RIN3: variants seen among roughly 807,000 people sequenced by gnomAD.
The protein encoded by RIN3 is Ras and Rab interactor 3, also known as RAB5 interacting protein 3.
A neutral mutation model predicts 76.3 loss-of-function variants in RIN3; 54 were observed. The observed-to-expected ratio is 0.71, with a 90% CI of 0.57 to 0.89. The LOEUF is 0.89. Among genes scored for constraint, RIN3 ranks in the 40% least tolerant of loss-of-function variants. The probability of loss-of-function intolerance (pLI) is 0.00; values close to 1 mark genes in which losing one functional copy is unlikely to be tolerated. For synonymous variants in RIN3, 576 were observed against 564.0 expected, an observed-to-expected ratio of 1.02 and a Z score of -0.30; for missense variants, 1,256 against 1,322.1, an observed-to-expected ratio of 0.95 and a Z score of 0.78.
At chr14:92,577,291 C>A in intron 2 of RIN3, 69 bp from the exon 3 acceptor site, 1 of 1,044,284 alleles carries the variant, frequency 9.6e-7, no homozygotes, top group Non-Finnish European at 1.5e-6. Context: ...ACTTCCATCT[C>A]GTGGTTGTCC....
chr14:92,683,755 T>G (rs990146099), intron 8 of RIN3, among the ~76,000 whole-genome samples: 1 of 152,216 alleles, frequency 6.6e-6, no homozygotes, highest in African/African-American at 2.4e-5. Flanking sequence ...GATACATAAA[T>G]GATTCAAATT....
chr14:92,661,754 C>CA lies in RIN3; in HGVS notation c.2335+2286dup, dbSNP rs796462501. The stretch of plus-strand genomic sequence containing the variant: ...ACACACACACACACACACACACACA[C>CA]ACACAAAAAATAGAATTGTGCTCCC... On this transcript the variant is annotated intron_variant, in intron 7 of 9. Transcript: ENST00000216487. Among the ~76,000 whole-genome samples, 38 of 133,584 alleles carry CA rather than the reference C, an allele frequency of 2.8e-4. No individual in the cohort carries two copies. In the East Asian group the frequency reaches 3.3e-3, roughly 11 times the overall value. 87.6% of individuals were successfully genotyped at this position (133,584 alleles called of 152,430 possible). A position where few individuals can be genotyped will look rare whatever the true frequency, so the allele number is the denominator to read the frequency against.
Position 92,663,057 on chromosome 14 carries a change from C to T in RIN3, c.2335+3588C>T, listed in dbSNP as rs142970905. 1.4e-4 allele frequency among the ~76,000 whole-genome samples: 22 copies of T among 152,246 alleles called. No homozygotes were observed. In the East Asian group the frequency reaches 2.7e-3, roughly 19 times the overall value. ...AACTCCTGAGCTCAAGCAATTTGCC[C>T]GCCTTGGCCTCCCAAAGTGCTGAGA... On this transcript the variant is annotated intron_variant, in intron 7 of 9. Transcript: ENST00000216487.
At chr14:92,527,046 CTTTTTTTTT>C (rs1215618245) in intron 1 of RIN3, among the ~76,000 whole-genome samples, 1 of 109,996 alleles carries the variant, frequency 9.1e-6, no homozygotes, top group African/African-American at 4.0e-5. Flanking sequence ...TTCTCCCCAT[CTTTTTTTTT>C]TTTTTTTTTT....
At chr14:92,624,491 G>T (rs148732297) in intron 4 of RIN3, among the ~76,000 whole-genome samples, 1 of 152,146 alleles carries the variant, frequency 6.6e-6, no homozygotes, top group Admixed American at 6.5e-5. Context: ...AACCGCTAGC[G>T]GGAAATCCTG....
chr14:92,521,498 A>C (rs1251903512), intron 1 of RIN3, among the ~76,000 whole-genome samples: 1 of 152,196 alleles, frequency 6.6e-6, no homozygotes, highest in African/African-American at 2.4e-5. Context: ...CCATCCTCAC[A>C]GTAATGAGTG....
Position 92,643,663 on chromosome 14 carries a change from C to G in RIN3, c.532+2334C>G, listed in dbSNP as rs548848181. Among the ~76,000 whole-genome samples, 2 of 152,216 alleles carry G rather than the reference C, an allele frequency of 1.3e-5. No homozygotes were observed. The highest frequency in any genetic ancestry group is 2.9e-5 in the Non-Finnish European group (2 of 68,038). On this transcript the variant is annotated intron_variant, in intron 5 of 9. Transcript: ENST00000216487. The surrounding 1 kb of genome is among the most constrained non-coding windows in gnomAD (Gnocchi z 4.8). ...AGAACACTGGCTGGACACAGTGGCT[C>G]ATGCCTATAATCTCAGCACTTTGGG...
intron 7 of RIN3, among the ~76,000 whole-genome samples, chr14:92,667,183 G>C (rs540025916): frequency 3.9e-5 from 6 of 152,254 alleles, no homozygotes; most frequent in Non-Finnish European, 5.9e-5. Context: ...CAGGGAGGGA[G>C]GTCAGGCTGT....
chr14:92,550,227 T>G (rs1040208911), intron 1 of RIN3, among the ~76,000 whole-genome samples: 4 of 152,068 alleles, frequency 2.6e-5, no homozygotes, highest in African/African-American at 9.7e-5. Flanking sequence ...GAGAGAACTG[T>G]AGCAGGAAGA....
Position 92,662,610 on chromosome 14 carries a change from C to G in RIN3, c.2335+3141C>G, listed in dbSNP as rs897857397. 3.3e-5 allele frequency among the ~76,000 whole-genome samples: 5 copies of G among 152,206 alleles called. No homozygotes were observed. The East Asian group carries it at 7.7e-4, about 23-fold the overall frequency. On this transcript the variant is annotated intron_variant, in intron 7 of 9. Coordinates refer to ENST00000216487, the MANE Select transcript of RIN3 (RefSeq NM_024832.5). ...AGTCACAATAGCTGTTGATTGGTTT[C>G]AGTGCTGAATTTCTAATTAGGGAAA...
intron 1 of RIN3, among the ~76,000 whole-genome samples, chr14:92,532,353 C>T (rs919018202): frequency 2.0e-5 from 3 of 152,168 alleles, no homozygotes; most frequent in Non-Finnish European, 4.4e-5. Context: ...TTCTGCACCA[C>T]CCAGAGCTGC....
At chr14:92,611,224 C>T (rs946919012) in intron 3 of RIN3, among the ~76,000 whole-genome samples, 4 of 152,130 alleles carry the variant, frequency 2.6e-5, no homozygotes, top group African/African-American at 9.7e-5. Flanking sequence ...TGCATCACTG[C>T]AATCTCCATC....
Position 92,555,846 on chromosome 14 carries a change from G to T in RIN3, c.140G>T (p.Arg47Leu), listed in dbSNP as rs140971894. Reference sequence around the variant, plus strand: ...AACCCGAAAAACTGCCTTCCTCACCGCCGGGGCATCAGCATCCTGGAGAAG... The same window carrying T: ...AACCCGAAAAACTGCCTTCCTCACCTCCGGGGCATCAGCATCCTGGAGAAG... ...PANPKNCLPH[R>L]RGISILEKLI... Residue 47 changes from arginine (R) to leucine (L), a missense_variant, in exon 2 of 10, where the codon CGC (arginine) becomes CTC (leucine). Physicochemically the swap from Arg to Leu is moderately radical, Grantham distance 102 (BLOSUM62 -2). Coordinates refer to ENST00000216487, the MANE Select transcript of RIN3 (RefSeq NM_024832.5). 1.2e-6 allele frequency: 2 copies of T among 1,614,102 alleles called. No homozygotes were observed. The highest frequency in any genetic ancestry group is 1.3e-5 in the African/African-American group (1 of 75,012).
chr14:92,618,501 G>A (rs989919196), intron 4 of RIN3, among the ~76,000 whole-genome samples: 20 of 152,170 alleles, frequency 1.3e-4, no homozygotes, highest in African/African-American at 4.6e-4. Flanking sequence ...GGCAAGGACA[G>A]TCTTTCTCTG....
chr14:92,624,310 T>A (rs1231914248), intron 4 of RIN3, among the ~76,000 whole-genome samples: 2 of 152,170 alleles, frequency 1.3e-5, no homozygotes, highest in East Asian at 3.9e-4. Flanking sequence ...ACTCGAAGAA[T>A]CCTATGGGGT....
chr14:92,599,248 G>A (rs1885259600), intron 3 of RIN3, among the ~76,000 whole-genome samples: 1 of 123,978 alleles, frequency 8.1e-6, no homozygotes, highest in Non-Finnish European at 1.7e-5. Flanking sequence ...CGCCCTTGGG[G>A]GTGTGAAGAC....
At chr14:92,673,044 G>A (rs1472551770) in intron 7 of RIN3, among the ~76,000 whole-genome samples, 1 of 152,050 alleles carries the variant, frequency 6.6e-6, no homozygotes, top group Non-Finnish European at 1.5e-5. Context: ...CGCTTTGGGA[G>A]GCTGAGGCAG....
Position 92,656,576 on chromosome 14 carries a change from G to A in RIN3, c.2027-2585G>A, listed in dbSNP as rs11846343. On this transcript the variant is annotated intron_variant, in intron 6 of 9. Coordinates refer to ENST00000216487, the MANE Select transcript of RIN3 (RefSeq NM_024832.5). This position sits in a 1 kb window ranked among gnomAD's most constrained non-coding sequence, Gnocchi z 5.2. ...GTCCTGTTAAGGCCAAATCTGCTTC[G>A]GGCACCAAGATGTCAAGAGGTGCTA... Among the ~76,000 whole-genome samples, 38 of 152,338 alleles carry A rather than the reference G, an allele frequency of 2.5e-4. No homozygotes were observed. The highest frequency in any genetic ancestry group is 2.9e-4 in the African/African-American group (12 of 41,580).
At chr14:92,642,202 A>G (rs1887042179) in intron 5 of RIN3, among the ~76,000 whole-genome samples, 1 of 151,910 alleles carries the variant, frequency 6.6e-6, no homozygotes, top group African/African-American at 2.4e-5. Flanking sequence ...TCCCAGGCTC[A>G]GGTGATCCTC....
Sources: gnomAD v4.1 joint callset for allele counts (sites outside exome capture counted in the v4.1 genomes callset) on GRCh38, gnomAD v4.1.1 for gene constraint, Gnocchi (gnomAD v3.1) non-coding constraint, MANE v1.5 for transcripts, NCBI Gene and HGNC (gene_info 2026-07-23, HGNC 2026-07-21) for gene names.